Variants in ZNF578 observed in about 807,000 individuals in gnomAD.
The protein encoded by ZNF578 is Putative chemokine-related protein B42.
Under a neutral mutation model 8.3 loss-of-function variants are expected in ZNF578, and 8 were observed. The ratio of observed to expected loss-of-function variants is 0.96; its 90% CI spans 0.56 to 1.74. The LOEUF (loss-of-function observed/expected upper bound fraction) is 1.74. Among genes scored for constraint, ZNF578 ranks in the 40% most tolerant of loss-of-function variants. The pLI, the probability that ZNF578 is intolerant of heterozygous loss-of-function variation, is 0.00. For missense variants in ZNF578, 726 were observed against 707.5 expected, an observed-to-expected ratio of 1.03 and a Z score of -0.30; for synonymous variants, 206 against 232.2, an observed-to-expected ratio of 0.89 and a Z score of 1.03.
At chr19:52,470,286 G>A (rs1369476505) in intron 2 of ZNF578, among the ~76,000 whole-genome samples, 2 of 152,172 alleles carry the variant, frequency 1.3e-5, no homozygotes, top group Admixed American at 1.3e-4. Context: ...CTCTAGACCT[G>A]TAACTAGACT....
chr19:52,503,397 T>C (rs2059414307), intron 4 of ZNF578, among the ~76,000 whole-genome samples: 3 of 151,776 alleles, frequency 2.0e-5, no homozygotes, highest in Admixed American at 2.0e-4. Flanking sequence ...CCAGGTTGTA[T>C]TGCAGTGGCG....
intron 2 of ZNF578, among the ~76,000 whole-genome samples, chr19:52,464,604 T>C (rs1168802063): frequency 1.3e-5 from 2 of 152,216 alleles, no homozygotes; most frequent in African/African-American, 4.8e-5. Flanking sequence ...ATCCAGCGTT[T>C]GTAATTGCCT....
At chr19:52,473,593 C>T in intron 2 of ZNF578, 1 of 183,456 alleles carries the variant, frequency 5.5e-6, no homozygotes, top group Admixed American at 6.1e-5. Flanking sequence ...TATGAACTAT[C>T]TGATGTTTTG....
At chr19:52,469,987 T>C (rs551340337) in intron 2 of ZNF578, among the ~76,000 whole-genome samples, 1 of 152,184 alleles carries the variant, frequency 6.6e-6, no homozygotes, top group African/African-American at 2.4e-5. Flanking sequence ...TTGGGAAAGA[T>C]TGGGAGCATG....
At position 52,515,611 on chromosome 19, in the gene ZNF578, A is replaced by AC. The variant is rs2059471256; in HGVS notation, c.*3457_*3458insC. 6.6e-6 allele frequency among the ~76,000 whole-genome samples: 1 copy of AC among 152,006 alleles called. No homozygotes were observed. Among genetic ancestry groups the AC allele is most frequent in the Admixed American group, 6.6e-5 (1 of 15,256 alleles). On this transcript the variant is annotated 3_prime_UTR_variant, in exon 6 of 6. Transcript: ENST00000421239. ...GGTAACTTGGTGAAAATGTCTTCCG[A>AC]TCTGAGCCCCAGTGAGCCTCCCTGC...
chr19:52,511,940 T>C lies in ZNF578; in HGVS notation c.1559T>C (p.Phe520Ser). The C allele has an allele frequency of 6.2e-7, 1 of 1,613,998 alleles. No individual in the cohort carries two copies. The highest frequency in any genetic ancestry group is 1.1e-5 in the South Asian group (1 of 91,068). Reference sequence around the variant, plus strand: ...AAGTGTAATGAATGTGGGAAGACTTTTAATGTACAGTCACACCTTTCACGT... The same window carrying C: ...AAGTGTAATGAATGTGGGAAGACTTCTAATGTACAGTCACACCTTTCACGT... ...PYKCNECGKTFNVQSHLSRHH... is the reference protein window; with the variant it reads ...PYKCNECGKTSNVQSHLSRHH... The change falls in exon 6 of 6, where the codon TTT becomes TCT. Residue 520 changes from phenylalanine to serine, a missense_variant. Coordinates refer to ENST00000421239, the MANE Select transcript of ZNF578 (RefSeq NM_001099694.2).
chr19:52,496,268 G>A (rs1269457031), intron 3 of ZNF578, among the ~76,000 whole-genome samples: 6 of 151,556 alleles, frequency 4.0e-5, no homozygotes, highest in African/African-American at 1.5e-4. Flanking sequence ...CACCCTCGTC[G>A]GCCTCCCAAA....
At chr19:52,505,909 T>C (rs1005918510) in intron 5 of ZNF578, among the ~76,000 whole-genome samples, 3 of 151,784 alleles carry the variant, frequency 2.0e-5, no homozygotes, top group African/African-American at 4.9e-5. Flanking sequence ...ATGTTGTTTT[T>C]TTTTTTGAGT....
intron 2 of ZNF578, chr19:52,474,648 C>A: frequency 6.2e-6 from 2 of 320,560 alleles, no homozygotes; most frequent in Admixed American, 4.1e-5. Context: ...TGTAAGGTTT[C>A]TCTCCAGTAT....
intron 5 of ZNF578, among the ~76,000 whole-genome samples, chr19:52,506,193 CT>C (rs1339082023): frequency 1.3e-5 from 2 of 152,226 alleles, no homozygotes; most frequent in Admixed American, 6.5e-5. Flanking sequence ...GCCACCACCC[CT>C]GGCCCCATCC....
intron 2 of ZNF578, among the ~76,000 whole-genome samples, chr19:52,481,588 A>G (rs73575921): frequency 0.032 from 4,869 of 152,314 alleles, 258 homozygotes; most frequent in African/African-American, 0.11. Context: ...ATCAGAGGTT[A>G]GCTTCCACTT....
intron 5 of ZNF578, among the ~76,000 whole-genome samples, chr19:52,506,829 C>T (rs754477442): frequency 6.6e-6 from 1 of 152,098 alleles, no homozygotes. Flanking sequence ...TATTAGATGG[C>T]TTCATATATT....
intron 2 of ZNF578, among the ~76,000 whole-genome samples, chr19:52,463,469 G>T (rs2059264990): frequency 2.0e-5 from 3 of 152,098 alleles, no homozygotes; most frequent in Admixed American, 2.0e-4. Flanking sequence ...TCAAAATTTG[G>T]GGCATCAGTC....
intron 3 of ZNF578, among the ~76,000 whole-genome samples, chr19:52,494,469 C>T (rs2059378706): frequency 6.6e-6 from 1 of 152,224 alleles, no homozygotes; most frequent in Admixed American, 6.5e-5. Flanking sequence ...TGTACTCCAG[C>T]CTGGTCAAAA....
rs369326102 is a variant in ZNF578 at position 52,511,740 on chromosome 19, A to G, written c.1359A>G (p.Lys453=). 4 of 1,613,380 alleles carry G rather than the reference A, an allele frequency of 2.5e-6. No individual in the cohort carries two copies. The highest frequency in any genetic ancestry group is 3.4e-6 in the Non-Finnish European group (4 of 1,179,906). ...ARHHRLHTGE[K]SYKCEECDRV... Reference sequence around the variant, plus strand: ...ATCATAGACTTCATACTGGAGAGAAATCTTACAAATGTGAAGAATGTGACA... The same window carrying G: ...ATCATAGACTTCATACTGGAGAGAAGTCTTACAAATGTGAAGAATGTGACA... The change falls in exon 6 of 6, where the codon AAA becomes AAG. Residue 453 remains lysine, a synonymous_variant. Transcript: ENST00000421239.
chr19:52,481,719 T>A (rs1408879249), intron 2 of ZNF578, among the ~76,000 whole-genome samples: 1 of 152,110 alleles, frequency 6.6e-6, no homozygotes, highest in Non-Finnish European at 1.5e-5. Flanking sequence ...CTTTCTGTTA[T>A]TACATAATAC....
intron 5 of ZNF578, among the ~76,000 whole-genome samples, chr19:52,507,481 T>G (rs2059429421): frequency 6.6e-6 from 1 of 151,864 alleles, no homozygotes; most frequent in African/African-American, 2.4e-5. Context: ...TCTCTTTAGG[T>G]AGGAGAATCG....
chr19:52,459,769 A>ATATATATATATTTTTT (rs1555751349), intron 2 of ZNF578, among the ~76,000 whole-genome samples: 1 of 17,620 alleles, frequency 5.7e-5, no homozygotes, highest in Non-Finnish European at 9.9e-5. Context: ...ATATATATAT[A>ATATATATATATTTTTT]TTTTTTTTTT....
At chr19:52,485,693 G>C (rs1438070761) in intron 2 of ZNF578, among the ~76,000 whole-genome samples, 1 of 152,224 alleles carries the variant, frequency 6.6e-6, no homozygotes, top group Non-Finnish European at 1.5e-5. Context: ...TCCCAGAAAT[G>C]TGCTGTGTTG....
Sources: allele counts gnomAD v4.1 joint callset (sites outside exome capture counted in the v4.1 genomes callset), GRCh38; gene constraint gnomAD v4.1.1; transcripts MANE v1.5; gene names NCBI Gene and HGNC (gene_info 2026-07-23, HGNC 2026-07-21).